Variants in RBMS3 observed in about 807,000 individuals in gnomAD.
RBMS3 encodes the protein RNA binding motif single stranded interacting protein 3.
Under a neutral mutation model 66.8 loss-of-function variants are expected in RBMS3, and 27 were observed. The observed-to-expected ratio is 0.40, with a 90% CI of 0.30 to 0.56. The LOEUF is 0.56. Among genes scored for constraint, RBMS3 ranks in the 20% least tolerant of loss-of-function variants. The pLI, the probability that RBMS3 is intolerant of heterozygous loss-of-function variation, is 0.40. For synonymous variants in RBMS3, 188 were observed against 183.0 expected (o/e 1.03, Z -0.22); for missense variants, 513 against 549.5 (o/e 0.93, Z 0.66).
At chr3:29,303,129 CT>C (rs1359087891) in intron 1 of RBMS3, among the ~76,000 whole-genome samples, 1 of 152,020 alleles carries the variant, frequency 6.6e-6, no homozygotes, top group Non-Finnish European at 1.5e-5. Context: ...GACTCATCTA[CT>C]TTTCTGAGCA....
chr3:29,399,957 A>C (rs1224009867), intron 1 of RBMS3, among the ~76,000 whole-genome samples: 2 of 152,070 alleles, frequency 1.3e-5, no homozygotes, highest in Non-Finnish European at 2.9e-5. Context: ...GTAGGGATCA[A>C]ATTCTATACA....
chr3:29,483,225 C>T (rs1383824002), intron 2 of RBMS3, among the ~76,000 whole-genome samples: 5 of 147,648 alleles, frequency 3.4e-5, no homozygotes, highest in African/African-American at 1.0e-4. Context: ...AGGAGAATGG[C>T]GTGAACCCTG....
At position 29,342,383 on chromosome 3, in the gene RBMS3, C is replaced by G. The variant is rs559658046; in HGVS notation, c.75+60627C>G. ...TAATTAGTTTGATTATATTTTTAGC[C>G]AGTTGCCTTTCTGGATTTGGAATAT... On this transcript the variant is annotated intron_variant, in intron 1 of 14. Coordinates refer to ENST00000383767, the MANE Select transcript of RBMS3 (RefSeq NM_001003793.3). Among the ~76,000 whole-genome samples, 17 of 152,208 alleles carry G rather than the reference C, an allele frequency of 1.1e-4. No homozygotes were observed. The East Asian group carries it at 3.1e-3, about 28-fold the overall frequency.
At chr3:29,949,718 T>G (rs1039251006) in intron 12 of RBMS3, among the ~76,000 whole-genome samples, 3 of 151,636 alleles carry the variant, frequency 2.0e-5, no homozygotes, top group Admixed American at 2.0e-4. Context: ...TAGTGATATA[T>G]TAAAACCCTT....
intron 12 of RBMS3, among the ~76,000 whole-genome samples, chr3:29,953,456 CTAATTAAAGGT>C (rs1410911272): frequency 6.6e-6 from 1 of 151,858 alleles, no homozygotes; most frequent in African/African-American, 2.4e-5. Context: ...TAGCTTCCAG[CTAATTAAAGGT>C]TATTTGAAAG....
chr3:29,435,298 C>T (rs565464188), intron 2 of RBMS3, among the ~76,000 whole-genome samples: 6 of 152,216 alleles, frequency 3.9e-5, no homozygotes, highest in African/African-American at 7.2e-5. Flanking sequence ...AACTCAGAAG[C>T]GGTGGATTTC....
At chr3:29,311,847 A>G (rs1032701252) in intron 1 of RBMS3, among the ~76,000 whole-genome samples, 1 of 151,830 alleles carries the variant, frequency 6.6e-6, no homozygotes, top group Non-Finnish European at 1.5e-5. Context: ...CATTAAATCA[A>G]TCAGGGCCAT....
At chr3:29,881,071 T>C (rs1049403124) in intron 7 of RBMS3, among the ~76,000 whole-genome samples, 4 of 151,974 alleles carry the variant, frequency 2.6e-5, no homozygotes, top group African/African-American at 9.7e-5. Flanking sequence ...ACCTTTTGAG[T>C]CTTATTTCCC....
chr3:29,416,643 G>T (rs62236869), intron 1 of RBMS3, among the ~76,000 whole-genome samples: 18,742 of 151,898 alleles, frequency 0.12, 1,241 homozygotes, highest in South Asian at 0.17. Flanking sequence ...CCATCTTTGT[G>T]TTATTGCTAG....
intron 6 of RBMS3, among the ~76,000 whole-genome samples, chr3:29,850,500 A>G (rs1559736511): frequency 6.6e-6 from 1 of 152,056 alleles, no homozygotes; most frequent in Non-Finnish European, 1.5e-5. Flanking sequence ...TTGAAATTAC[A>G]TGTTTTTTTA....
chr3:29,778,913 A>G (rs1394578703), intron 6 of RBMS3, among the ~76,000 whole-genome samples: 1 of 151,852 alleles, frequency 6.6e-6, no homozygotes, highest in Non-Finnish European at 1.5e-5. Flanking sequence ...TATAGGAGAA[A>G]ATATCAGCAA....
intron 1 of RBMS3, among the ~76,000 whole-genome samples, chr3:29,374,668 A>C (rs1247751250): frequency 6.6e-6 from 1 of 152,182 alleles, no homozygotes; most frequent in Non-Finnish European, 1.5e-5. Flanking sequence ...GGTAGGCTAG[A>C]TGTATGAAAT....
chr3:29,903,837 A>G (rs569103705), intron 10 of RBMS3, among the ~76,000 whole-genome samples: 1 of 152,102 alleles, frequency 6.6e-6, no homozygotes, highest in African/African-American at 2.4e-5. Context: ...ATTTGTTGCC[A>G]TGGCAACAAA....
intron 3 of RBMS3, among the ~76,000 whole-genome samples, chr3:29,491,757 G>A (rs2043552571): frequency 6.6e-6 from 1 of 152,204 alleles, no homozygotes; most frequent in Non-Finnish European, 1.5e-5. Flanking sequence ...ACTTTGGGAG[G>A]CCAAGATGGG....
intron 5 of RBMS3, among the ~76,000 whole-genome samples, chr3:29,741,550 C>A (rs887702225): frequency 2.0e-5 from 3 of 152,210 alleles, no homozygotes; most frequent in African/African-American, 7.2e-5. Flanking sequence ...AAATTAGTTT[C>A]TCCTTCATTT....
chr3:29,723,530 T>G (rs1251707515), intron 4 of RBMS3, among the ~76,000 whole-genome samples: 1 of 152,194 alleles, frequency 6.6e-6, no homozygotes, highest in Non-Finnish European at 1.5e-5. Flanking sequence ...TCAGACAGTT[T>G]AAATAGAGCT....
intron 4 of RBMS3, among the ~76,000 whole-genome samples, chr3:29,662,082 C>A (rs1340938748): frequency 6.6e-6 from 1 of 152,116 alleles, no homozygotes; most frequent in Non-Finnish European, 1.5e-5. Flanking sequence ...CAACATTGAC[C>A]TTTTGGGAGG....
At chr3:29,348,520 T>C (rs1330969757) in intron 1 of RBMS3, among the ~76,000 whole-genome samples, 1 of 152,038 alleles carries the variant, frequency 6.6e-6, no homozygotes, top group Non-Finnish European at 1.5e-5. Flanking sequence ...TGCCACATAT[T>C]TGTGGTAGAC....
chr3:29,617,788 C>T (rs1386045402), intron 4 of RBMS3, among the ~76,000 whole-genome samples: 1 of 152,072 alleles, frequency 6.6e-6, no homozygotes, highest in African/African-American at 2.4e-5. Flanking sequence ...TGGAAAAAAT[C>T]AATGAATATA....
Sources: gnomAD v4.1 joint callset for allele counts (sites outside exome capture counted in the v4.1 genomes callset) on GRCh38, gnomAD v4.1.1 for gene constraint, MANE v1.5 for transcripts, NCBI Gene and HGNC (gene_info 2026-07-23, HGNC 2026-07-21) for gene names.